The following RBFOX3 variants were observed in gnomAD, a reference collection of about 807,000 sequenced individuals.
RBFOX3 encodes the protein RNA binding protein fox-1 homolog 3.
In RBFOX3, 17 loss-of-function variants were observed where a neutral mutation model predicts 48.7. The observed-to-expected ratio is 0.35, with a 90% CI of 0.24 to 0.52. RBFOX3 has a LOEUF of 0.52. Among genes scored for constraint, RBFOX3 ranks in the 20% least tolerant of loss-of-function variants. The pLI, the probability that RBFOX3 is intolerant of heterozygous loss-of-function variation, is 0.94. For missense variants in RBFOX3, 382 were observed against 497.5 expected, an observed-to-expected ratio of 0.77 and a Z score of 2.21; for synonymous variants, 212 against 209.5, an observed-to-expected ratio of 1.01 and a Z score of -0.10.
intron 2 of RBFOX3, among the ~76,000 whole-genome samples, chr17:79,445,390 G>A (rs932769752): frequency 5.3e-5 from 8 of 152,152 alleles, no homozygotes; most frequent in African/African-American, 1.7e-4. Context: ...GGCCTTCCAC[G>A]TGCGGGAGGC....
At chr17:79,262,148 C>T (rs1180745637) in intron 3 of RBFOX3, among the ~76,000 whole-genome samples, 4 of 152,266 alleles carry the variant, frequency 2.6e-5, no homozygotes, top group Non-Finnish European at 4.4e-5. Context: ...CTGGAAAAGC[C>T]TCTCGTGGCC....
rs2088559781 is a variant in RBFOX3, at chr17:79,535,489, C to T, written c.-319-52891G>A. Reference sequence around the variant, plus strand: ...AATCTCCCGATTCCTTTACTCTCCCCTGTTACCCAAGTGAGTCACCCCAAA... The same window carrying T: ...AATCTCCCGATTCCTTTACTCTCCCTTGTTACCCAAGTGAGTCACCCCAAA... On this transcript the variant is annotated intron_variant, in intron 1 of 14. Coordinates refer to ENST00000693108, the MANE Select transcript of RBFOX3 (RefSeq NM_001350451.2). This position sits in a 1 kb window ranked among gnomAD's most constrained non-coding sequence, Gnocchi z 4.5. 6.6e-6 allele frequency among the ~76,000 whole-genome samples: 1 copy of T among 152,182 alleles called. No homozygotes were observed. Among genetic ancestry groups the T allele is most frequent in the Admixed American group, 6.5e-5 (1 of 15,280 alleles).
intron 4 of RBFOX3, among the ~76,000 whole-genome samples, chr17:79,200,576 A>G (rs2056594444): frequency 6.6e-6 from 1 of 152,210 alleles, no homozygotes; most frequent in Non-Finnish European, 1.5e-5. Flanking sequence ...GGCTCCTTGC[A>G]GCGCCAGAGG....
At chr17:79,596,779 C>T (rs2093580981) in intron 1 of RBFOX3, among the ~76,000 whole-genome samples, 1 of 152,120 alleles carries the variant, frequency 6.6e-6, no homozygotes, top group African/African-American at 2.4e-5. Flanking sequence ...ATTACAGCTC[C>T]CAGAAAGTGC....
chr17:79,207,534 T>C (rs552588149), intron 4 of RBFOX3, among the ~76,000 whole-genome samples: 2 of 152,364 alleles, frequency 1.3e-5, no homozygotes, highest in South Asian at 4.1e-4. Context: ...TTATTCCCTG[T>C]GGCCAGGCTC....
chr17:79,449,020 G>A (rs1288975811), intron 2 of RBFOX3, among the ~76,000 whole-genome samples: 3 of 152,098 alleles, frequency 2.0e-5, no homozygotes, highest in Admixed American at 6.5e-5. Flanking sequence ...GCCTGCCTCG[G>A]CCACTGGGTT....
In RBFOX3 at chr17:79,361,507, C is replaced by T. The variant is rs868324222; in HGVS notation, c.-174-53683G>A. On this transcript the variant is annotated intron_variant, in intron 2 of 14. Transcript: ENST00000693108. The surrounding 1 kb of genome is among the most constrained non-coding windows in gnomAD (Gnocchi z 4.5). ...CCAACACCCTGGCCACCACCTCCTGCCCCTGAGCCCGCGTGGCTCTCTGTG... is the reference window on the plus strand; with the variant it reads ...CCAACACCCTGGCCACCACCTCCTGTCCCTGAGCCCGCGTGGCTCTCTGTG... 6.6e-6 allele frequency among the ~76,000 whole-genome samples: 1 copy of T among 152,234 alleles called. No individual in the cohort carries two copies.
At chr17:79,532,541 G>A (rs1349350079) in intron 1 of RBFOX3, among the ~76,000 whole-genome samples, 5 of 152,218 alleles carry the variant, frequency 3.3e-5, no homozygotes, top group Non-Finnish European at 7.3e-5. Flanking sequence ...GGCTGGAGGA[G>A]TGGAAGTAAC....
At chr17:79,527,357 G>A (rs1367254101) in intron 1 of RBFOX3, among the ~76,000 whole-genome samples, 2 of 152,122 alleles carry the variant, frequency 1.3e-5, no homozygotes, top group Non-Finnish European at 2.9e-5. Flanking sequence ...TTTTGGAAAC[G>A]CCCATCCTGC....
intron 1 of RBFOX3, among the ~76,000 whole-genome samples, chr17:79,549,954 G>T (rs1377476083): frequency 1.3e-5 from 2 of 152,164 alleles, no homozygotes; most frequent in Non-Finnish European, 2.9e-5. Flanking sequence ...AAAAAAACGT[G>T]GACAGCTAAC....
chr17:79,280,841 T>TGGGGGGGGGGTGG (rs34734841), intron 3 of RBFOX3, among the ~76,000 whole-genome samples: 1 of 101,716 alleles, frequency 9.8e-6, no homozygotes. Flanking sequence ...TGTCCCATTG[T>TGGGGGGGGGGTGG]GGGGGGGGGG....
intron 4 of RBFOX3, among the ~76,000 whole-genome samples, chr17:79,186,923 C>T (rs2053531309): frequency 6.6e-6 from 1 of 152,256 alleles, no homozygotes; most frequent in Admixed American, 6.5e-5. Context: ...ACTGCCTCTC[C>T]TCCAGTTGGG....
At chr17:79,223,519 G>A (rs1311402931) in intron 4 of RBFOX3, among the ~76,000 whole-genome samples, 1 of 152,206 alleles carries the variant, frequency 6.6e-6, no homozygotes, top group Non-Finnish European at 1.5e-5. Context: ...GAGGTCTTGG[G>A]CTTGTCCCTG....
intron 4 of RBFOX3, among the ~76,000 whole-genome samples, chr17:79,188,899 C>T (rs573075621): frequency 5.4e-4 from 82 of 152,250 alleles, no homozygotes; most frequent in Non-Finnish European, 1.0e-3. Context: ...GCCATGAGCT[C>T]CTGGCAAGGA....
At chr17:79,621,398 C>A in the RBFOX3 span, among the ~76,000 whole-genome samples, 1 of 152,158 alleles carries the variant, frequency 6.6e-6, no homozygotes, top group Non-Finnish European at 1.5e-5. Context: ...CCTGAGCAAC[C>A]CTGCAAAGCC....
intron 5 of RBFOX3, among the ~76,000 whole-genome samples, chr17:79,106,991 C>A (rs2146674229): frequency 6.6e-6 from 1 of 152,330 alleles, no homozygotes; most frequent in African/African-American, 2.4e-5. Context: ...CACAGAGAGG[C>A]CCCACCTCTA....
intron 1 of RBFOX3, among the ~76,000 whole-genome samples, chr17:79,483,963 C>G (rs1369631844): frequency 2.7e-5 from 4 of 150,282 alleles, no homozygotes; most frequent in Non-Finnish European, 5.9e-5. Flanking sequence ...CCTGGGAAGT[C>G]TTGTTTGCTT....
intron 2 of RBFOX3, among the ~76,000 whole-genome samples, chr17:79,433,446 C>G (rs1428030154): frequency 1.3e-5 from 2 of 152,112 alleles, no homozygotes; most frequent in African/African-American, 4.8e-5. Context: ...ATTACTCCAC[C>G]CTGTGACATT....
chr17:79,536,142 T>C (rs1376610744), intron 1 of RBFOX3, among the ~76,000 whole-genome samples: 1 of 150,872 alleles, frequency 6.6e-6, no homozygotes, highest in South Asian at 2.1e-4. Flanking sequence ...AGTGGCGTGA[T>C]CTCAGCTTAC....
Sources: allele counts gnomAD v4.1 joint callset (sites outside exome capture counted in the v4.1 genomes callset), GRCh38; gene constraint gnomAD v4.1.1; non-coding constraint Gnocchi (gnomAD v3.1); transcripts MANE v1.5; gene names NCBI Gene and HGNC (gene_info 2026-07-23, HGNC 2026-07-21).